The following RBFOX2 variants were observed in gnomAD, a reference collection of about 807,000 sequenced individuals.
RBFOX2 encodes RNA binding protein fox-1 homolog 2.
A neutral mutation model predicts 49.1 loss-of-function variants in RBFOX2; 10 were observed. The ratio of observed to expected loss-of-function variants is 0.20; its 90% confidence interval spans 0.13 to 0.35. The LOEUF is 0.35. RBFOX2 is among the 10% of genes least tolerant of loss of function. The pLI is 1.00. For missense variants in RBFOX2, 323 were observed against 486.9 expected, an observed-to-expected ratio of 0.66 and a Z score of 3.17; for synonymous variants, 183 against 187.4, an observed-to-expected ratio of 0.98 and a Z score of 0.19.
Position 36,001,893 on chromosome 22 carries a change from G to A in RBFOX2, c.186+26347C>T, listed in dbSNP as rs190498317. ...AGCCTGGCCAACATGGTGAAACCCC[G>A]TCTCTACTAAAAATACAAAAATTAG... On this transcript the variant is annotated intron_variant, in intron 1 of 13. Transcript: ENST00000438146. 4.7e-3 allele frequency among the ~76,000 whole-genome samples: 714 copies of A among 151,980 alleles called. 2 individuals carry two copies. Among genetic ancestry groups the A allele is most frequent in the Admixed American group, 0.012 (189 of 15,240 alleles).
At chr22:35,995,199 A>C (rs12168968) in intron 1 of RBFOX2, 19,315 of 152,168 alleles carry the variant, frequency 0.13, 2,586 homozygotes, top group African/African-American at 0.34. Context: ...TTTTTACGTG[A>C]TATTCCCCTC....
At chr22:35,963,151 T>G (rs2056352133), upstream of RBFOX2, among the ~76,000 whole-genome samples, 1 of 149,556 alleles carries the variant, frequency 6.7e-6, no homozygotes, top group Non-Finnish European at 1.5e-5. Flanking sequence ...CTTAAACAAT[T>G]TAGAACAATT....
At chr22:35,818,570 G>A (rs1343928041) in intron 1 of RBFOX2, among the ~76,000 whole-genome samples, 1 of 152,118 alleles carries the variant, frequency 6.6e-6, no homozygotes, top group Non-Finnish European at 1.5e-5. Flanking sequence ...GACTGCTTGA[G>A]GCCAGGAGTT....
At chr22:35,991,884 T>C (rs1218402324) in intron 1 of RBFOX2, among the ~76,000 whole-genome samples, 2 of 152,092 alleles carry the variant, frequency 1.3e-5, no homozygotes, top group Admixed American at 6.6e-5. Flanking sequence ...AAATAAAAAT[T>C]AACAAATCAA....
intron 1 of RBFOX2, among the ~76,000 whole-genome samples, chr22:35,929,955 A>G (rs1227932262): frequency 3.3e-5 from 5 of 152,070 alleles, no homozygotes; most frequent in Non-Finnish European, 7.4e-5. Context: ...TTTACTAAAT[A>G]TCACTGAACA....
chr22:36,014,177 A>G (rs1019260028), intron 1 of RBFOX2, among the ~76,000 whole-genome samples: 4 of 150,710 alleles, frequency 2.7e-5, no homozygotes, highest in Non-Finnish European at 4.4e-5. Flanking sequence ...GCTGGAGTGC[A>G]GTGGCGCAAT....
At chr22:35,777,238 C>CTGA (rs1316152583) in intron 4 of RBFOX2, among the ~76,000 whole-genome samples, 1 of 152,104 alleles carries the variant, frequency 6.6e-6, no homozygotes, top group Non-Finnish European at 1.5e-5. Context: ...TCTCGAACTC[C>CTGA]TGACCTCAGG....
At chr22:36,009,946 C>G (rs1420666278) in intron 1 of RBFOX2, among the ~76,000 whole-genome samples, 1 of 152,284 alleles carries the variant, frequency 6.6e-6, no homozygotes, top group Middle Eastern at 3.4e-3. Context: ...GGCACTTCAC[C>G]TTTCCTATGC....
intron 1 of RBFOX2, among the ~76,000 whole-genome samples, chr22:35,873,396 G>GTGCC (rs1236850120): frequency 1.3e-5 from 2 of 152,102 alleles, no homozygotes; most frequent in Admixed American, 6.5e-5. Flanking sequence ...AAAGTGCTGA[G>GTGCC]ATTACAGGCC....
intron 1 of RBFOX2, among the ~76,000 whole-genome samples, chr22:36,023,102 G>A (rs1423038129): frequency 6.6e-6 from 1 of 152,074 alleles, no homozygotes; most frequent in Admixed American, 6.6e-5. Context: ...AACTCTTCTT[G>A]AATGGTAGCA....
intron 1 of RBFOX2, among the ~76,000 whole-genome samples, chr22:35,947,537 G>A (rs1246893522): frequency 6.6e-6 from 1 of 151,544 alleles, no homozygotes; most frequent in Admixed American, 6.6e-5. Flanking sequence ...AGCTCCATGT[G>A]TGTTACTGGC....
At chr22:35,826,079 C>T (rs1024336287) in intron 1 of RBFOX2, among the ~76,000 whole-genome samples, 31 of 148,184 alleles carry the variant, frequency 2.1e-4, no homozygotes, top group South Asian at 4.3e-4. Context: ...CAGCGGCTCA[C>T]GCCTATAATC....
intron 1 of RBFOX2, among the ~76,000 whole-genome samples, chr22:36,017,226 A>G (rs2059071437): frequency 6.6e-6 from 1 of 152,180 alleles, no homozygotes; most frequent in African/African-American, 2.4e-5. Context: ...TATTTTCCCC[A>G]GATCCATAAA....
intron 1 of RBFOX2, among the ~76,000 whole-genome samples, chr22:35,935,709 C>T (rs139367863): frequency 4.1e-4 from 63 of 152,228 alleles, no homozygotes; most frequent in African/African-American, 1.4e-3. Flanking sequence ...CACATTCACA[C>T]GTGACCACAT....
chr22:35,911,453 T>G (rs979355118), intron 1 of RBFOX2, among the ~76,000 whole-genome samples: 4 of 152,190 alleles, frequency 2.6e-5, no homozygotes, highest in Admixed American at 2.0e-4. Flanking sequence ...TTAATCGACC[T>G]CTGATTTATC....
intron 2 of RBFOX2, among the ~76,000 whole-genome samples, chr22:35,801,039 C>T (rs1178872234): frequency 2.6e-5 from 4 of 152,142 alleles, no homozygotes; most frequent in Admixed American, 6.5e-5. Context: ...TCTTTCACTA[C>T]GTTGAATATG....
intron 2 of RBFOX2, among the ~76,000 whole-genome samples, chr22:35,808,522 T>G (rs1217966728): frequency 6.6e-6 from 1 of 152,174 alleles, no homozygotes; most frequent in Non-Finnish European, 1.5e-5. Flanking sequence ...GGTCTTTCTA[T>G]GCAGACTGTA....
intron 1 of RBFOX2, among the ~76,000 whole-genome samples, chr22:35,867,125 AAG>A (rs970646576): frequency 2.0e-5 from 3 of 152,182 alleles, no homozygotes; most frequent in African/African-American, 4.8e-5. Flanking sequence ...TTCAGAAAAA[AAG>A]AGAATAGTAC....
chr22:35,766,431 G>A (rs554552175), intron 5 of RBFOX2, among the ~76,000 whole-genome samples: 1 of 152,112 alleles, frequency 6.6e-6, no homozygotes, highest in South Asian at 2.1e-4. Flanking sequence ...TGTTCAATTT[G>A]TATGGTAATA....
Sources: gnomAD v4.1 joint callset for allele counts (sites outside exome capture counted in the v4.1 genomes callset) on GRCh38, gnomAD v4.1.1 for gene constraint, MANE v1.5 for transcripts, NCBI Gene and HGNC (gene_info 2026-07-23, HGNC 2026-07-21) for gene names.